TRAPPC8: variants seen among roughly 807,000 people sequenced by gnomAD.
TRAPPC8 encodes the protein trafficking protein particle complex subunit 8.
Under a neutral mutation model 174.3 loss-of-function variants are expected in TRAPPC8, and 54 were observed. That is an observed-to-expected ratio of 0.31 (90% CI 0.25 to 0.39). The LOEUF (loss-of-function observed/expected upper bound fraction) is 0.39. Among genes scored for constraint, TRAPPC8 ranks in the 10% least tolerant of loss-of-function variants. The pLI is 1.00. For missense variants in TRAPPC8, 1,531 were observed against 1,699.1 expected (o/e 0.90, Z 1.74); for synonymous variants, 630 against 579.9 (o/e 1.09, Z -1.24).
chr18:31,844,916 T>C (rs1325920082), intron 26 of TRAPPC8: 1 of 151,886 alleles, frequency 6.6e-6, no homozygotes, highest in African/African-American at 2.4e-5. Context: ...CATCACTTAG[T>C]ATAAACTTAA....
In TRAPPC8 at chr18:31,843,195, G is replaced by C. The variant is rs1046959325; in HGVS notation, c.3837+3521C>G. On this transcript the variant is annotated intron_variant, in intron 26 of 28. Transcript: ENST00000283351. ...GCTCTTATATTTAAAAATAACAAGA[G>C]AAATTATAATTCCTTTCTTTTTATA... 2.0e-5 allele frequency among the ~76,000 whole-genome samples: 3 copies of C among 152,082 alleles called. No individual in the cohort carries two copies. In the East Asian group the frequency reaches 5.8e-4, roughly 29 times the overall value.
intron 22 of TRAPPC8, among the ~76,000 whole-genome samples, 168 bp downstream of exon 22, chr18:31,853,681 G>C (rs2033837644): frequency 1.3e-5 from 2 of 152,176 alleles, no homozygotes; most frequent in Admixed American, 6.5e-5. Context: ...AAATGGGAAA[G>C]ACTGGATCAA....
At chr18:31,875,503 T>C (rs935739296) in intron 12 of TRAPPC8, among the ~76,000 whole-genome samples, 12 of 152,194 alleles carry the variant, frequency 7.9e-5, no homozygotes, top group African/African-American at 2.9e-4. Flanking sequence ...AATAAAGCAG[T>C]GGGCTAGGAC....
rs762570573 is a variant in TRAPPC8, at chr18:31,855,771, G to T, written c.3225C>A (p.Thr1075=). 5.5e-5 allele frequency: 88 copies of T among 1,601,030 alleles called. No individual in the cohort carries two copies. The highest frequency in any genetic ancestry group is 7.5e-5 in the Non-Finnish European group (88 of 1,177,208). ...TGGCCCGTACATTTAAAGACCGACT[G>T]GTACAAATAATTGCAGTGTGTCTTA... ...RILRHTAIIC[T]SRSLNVRATV... Residue 1075 remains threonine (T), a synonymous_variant, in exon 21 of 29, where the codon ACC becomes ACA. Coordinates refer to ENST00000283351, the MANE Select transcript of TRAPPC8 (RefSeq NM_014939.5).
chr18:31,863,986 G>C (rs2034459368), intron 19 of TRAPPC8, among the ~76,000 whole-genome samples: 1 of 148,256 alleles, frequency 6.7e-6, no homozygotes, highest in Admixed American at 6.8e-5. Flanking sequence ...AAGTATTATA[G>C]AACATATTAT....
rs1257931807 is a variant in TRAPPC8, at chr18:31,864,764, T to C, written c.2608A>G (p.Met870Val). The change falls in exon 19 of 29, where the codon ATG becomes GTG. Residue 870 changes from methionine (M) to valine (V), a missense_variant. Physicochemically the swap from Met to Val is conservative, Grantham distance 21. Transcript: ENST00000283351. ...AAATCCTGCTTCCCTCGGACTGACA[T>C]ACTCAAGGAATATTTTCCTGAAATA... ...GCHTGKYSLS[M>V]SVRGKQDLEI... 3.7e-6 allele frequency: 6 copies of C among 1,607,476 alleles called. No homozygotes were observed. The highest frequency in any genetic ancestry group is 5.1e-6 in the Non-Finnish European group (6 of 1,177,924).
At chr18:31,875,303 G>T (rs2035087466) in intron 12 of TRAPPC8, among the ~76,000 whole-genome samples, 1 of 149,518 alleles carries the variant, frequency 6.7e-6, no homozygotes. Context: ...GTTTTCCACA[G>T]TACAAATAAT....
chr18:31,840,705 T>C (rs2033043608), intron 26 of TRAPPC8, among the ~76,000 whole-genome samples: 1 of 152,208 alleles, frequency 6.6e-6, no homozygotes, highest in South Asian at 2.1e-4. Flanking sequence ...ATGAGTATTA[T>C]GACATAGTCA....
intron 12 of TRAPPC8, among the ~76,000 whole-genome samples, chr18:31,880,090 A>AATATATATATAT (rs1246506445): frequency 1.2e-5 from 1 of 85,374 alleles, no homozygotes; most frequent in Non-Finnish European, 2.2e-5. Context: ...TGAAAAAAAA[A>AATATATATATAT]ATATATATAT....
At chr18:31,890,355 G>T (rs1272993283) in intron 12 of TRAPPC8, among the ~76,000 whole-genome samples, 2 of 152,084 alleles carry the variant, frequency 1.3e-5, no homozygotes, top group Non-Finnish European at 2.9e-5. Context: ...AGAAAGAGCA[G>T]GATTTTTTTA....
In TRAPPC8 at chr18:31,874,563, A is replaced by C. The variant is rs375340342; in HGVS notation, c.1870T>G (p.Phe624Val). 2.7e-5 allele frequency: 44 copies of C among 1,614,014 alleles called. No homozygotes were observed. The highest frequency in any genetic ancestry group is 5.0e-5 in the Admixed American group (3 of 60,000). Residue 624 changes from phenylalanine (F) to valine (V), a missense_variant, in exon 13 of 29, where the codon TTT becomes GTT. Coordinates refer to ENST00000283351, the MANE Select transcript of TRAPPC8 (RefSeq NM_014939.5). ...LRQLDNAVSA[F>V]RHILINESKQ... ...CTTTCATTAATTAGAATATGCCTAA[A>C]AGCAGACACAGCATTATCCAGCTGT...
chr18:31,906,057 T>C (rs2036642416), intron 9 of TRAPPC8, among the ~76,000 whole-genome samples: 1 of 151,994 alleles, frequency 6.6e-6, no homozygotes, highest in South Asian at 2.1e-4. Context: ...TAGCATATTT[T>C]CCATTTCTAT....
At chr18:31,863,858 A>G (rs999679295) in intron 19 of TRAPPC8, among the ~76,000 whole-genome samples, 9 of 152,048 alleles carry the variant, frequency 5.9e-5, no homozygotes, top group Middle Eastern at 3.4e-3. Context: ...AAAGACTGAA[A>G]ATTGCTGGAC....
At chr18:31,883,020 C>T (rs1366058369) in intron 12 of TRAPPC8, among the ~76,000 whole-genome samples, 1 of 147,940 alleles carries the variant, frequency 6.8e-6, no homozygotes, top group East Asian at 2.0e-4. Context: ...TTCAGGAGTT[C>T]GAGACCAGCC....
At chr18:31,866,154 A>G (rs1443600448) in intron 18 of TRAPPC8, among the ~76,000 whole-genome samples, 8 of 152,108 alleles carry the variant, frequency 5.3e-5, no homozygotes, top group African/African-American at 1.9e-4. Flanking sequence ...AAAATAAGAC[A>G]TATCTATTAA....
chr18:31,843,531 T>C (rs888317344), intron 26 of TRAPPC8, among the ~76,000 whole-genome samples: 2 of 152,214 alleles, frequency 1.3e-5, no homozygotes, highest in African/African-American at 4.8e-5. Context: ...AAAGTTGCAA[T>C]CTTAAAGCTT....
chr18:31,832,512 C>T (rs1245951377), intron 27 of TRAPPC8: 1 of 152,360 alleles, frequency 6.6e-6, no homozygotes, highest in Non-Finnish European at 1.5e-5. Flanking sequence ...AAAAGTAAAC[C>T]ATGAAAATGC....
At chr18:31,831,230 A>C (rs1204309736) in intron 28 of TRAPPC8, among the ~76,000 whole-genome samples, 1 of 152,128 alleles carries the variant, frequency 6.6e-6, no homozygotes, top group Non-Finnish European at 1.5e-5. Flanking sequence ...GCACGCCTGT[A>C]ATCCCAGCTA....
chr18:31,942,858 TGGCCCGGCCG>T lies in TRAPPC8; in HGVS notation c.-104_-95del, dbSNP rs1377839463. ...CAGCTACCGCCGCCGCCCGCCGGCCTGGCCCGGCCGGGCGGGGCCCCGAACGCACTGGAGC... is the reference window on the plus strand; with the variant it reads ...CAGCTACCGCCGCCGCCCGCCGGCCTGGCGGGGCCCCGAACGCACTGGAGC... On this transcript the variant is annotated 5_prime_UTR_variant, in exon 1 of 29. Transcript: ENST00000283351. 4 of 1,256,972 alleles carry T rather than the reference TGGCCCGGCCG, an allele frequency of 3.2e-6. No individual in the cohort carries two copies. Among genetic ancestry groups the T allele is most frequent in the African/African-American group, 3.1e-5 (2 of 64,324 alleles). The allele number at this position is 1,256,972 out of a possible 1,614,324, so 77.9% of individuals were successfully genotyped here. A position where few individuals can be genotyped will look rare whatever the true frequency, so the allele number is the denominator to read the frequency against.
Sources: gnomAD v4.1 joint callset for allele counts (sites outside exome capture counted in the v4.1 genomes callset) on GRCh38, gnomAD v4.1.1 for gene constraint, MANE v1.5 for transcripts, NCBI Gene and HGNC (gene_info 2026-07-23, HGNC 2026-07-21) for gene names.